Variants in SOD2 observed in about 807,000 individuals in gnomAD.
SOD2 encodes superoxide dismutase 2.
A neutral mutation model predicts 27.0 loss-of-function variants in SOD2; 11 were observed. The ratio of observed to expected loss-of-function variants is 0.41; its 90% CI spans 0.26 to 0.67. The LOEUF is 0.67. Among genes scored for constraint, SOD2 ranks in the 30% least tolerant of loss-of-function variants. The probability of loss-of-function intolerance (pLI) is 0.34; values close to 1 mark genes in which losing one functional copy is unlikely to be tolerated. For missense variants in SOD2, 250 were observed against 274.5 expected, an observed-to-expected ratio of 0.91 and a Z score of 0.63; for synonymous variants, 105 against 103.0, an observed-to-expected ratio of 1.02 and a Z score of -0.12.
chr6:159,687,464 G>A (rs1385863278), intron 3 of SOD2, among the ~76,000 whole-genome samples: 5 of 147,644 alleles, frequency 3.4e-5, no homozygotes, highest in Non-Finnish European at 7.5e-5. Context: ...CAGCCTGGGC[G>A]ACTGTAAGAC....
chr6:159,727,551 G>T, upstream of SOD2: 1 of 989,276 alleles, frequency 1.0e-6, no homozygotes, highest in South Asian at 4.5e-5. Context: ...AAATAAAGGG[G>T]AGCGCAGGGG....
upstream of SOD2, among the ~76,000 whole-genome samples, chr6:159,732,231 A>G (rs1391517511): frequency 6.6e-6 from 1 of 152,216 alleles, no homozygotes; most frequent in Non-Finnish European, 1.5e-5. Flanking sequence ...GACCAACTAT[A>G]ATAACTTTTA....
At chr6:159,749,057 A>G, upstream of SOD2, 1 of 990,678 alleles carries the variant, frequency 1.0e-6, no homozygotes, top group Non-Finnish European at 1.2e-6. Flanking sequence ...GGGGCTCTAT[A>G]TTACTTGCTT....
intron 1 of SOD2, among the ~76,000 whole-genome samples, chr6:159,756,689 A>G (rs1198457307): frequency 1.4e-5 from 2 of 147,452 alleles, no homozygotes; most frequent in Non-Finnish European, 3.0e-5. Context: ...GCAGCCTCAA[A>G]GTCCTCGACT....
rs1418114715 is a variant in SOD2, at chr6:159,672,471, A to AT, written c.*10021_*10022insA. On this transcript the variant is annotated 3_prime_UTR_variant, in exon 5 of 5. Coordinates refer to ENST00000538183, the MANE Select transcript of SOD2 (RefSeq NM_000636.4). ...TTGAAGAAAAGAATTTTCAACCCAG[A>AT]ATTTCATATCCAGCCAAACTAAGCT... is the stretch of plus-strand genomic sequence containing the variant. 6.6e-6 allele frequency: 1 copy of AT among 152,216 alleles called. No individual in the cohort carries two copies. The highest frequency in any genetic ancestry group is 2.4e-5 in the African/African-American group (1 of 41,454). 9.4% of individuals were successfully genotyped at this position (152,216 alleles called of 1,614,324 possible). A position where few individuals can be genotyped will look rare whatever the true frequency, so the allele number is the denominator to read the frequency against.
chr6:159,703,449 C>T (rs7753581), intron 1 of SOD2, among the ~76,000 whole-genome samples: 40,524 of 150,924 alleles, frequency 0.27, 5,475 homozygotes, highest in East Asian at 0.41. Context: ...TCACTTAGTA[C>T]AATACTTCTA....
At chr6:159,702,477 A>G (rs576332340) in intron 1 of SOD2, among the ~76,000 whole-genome samples, 12 of 151,150 alleles carry the variant, frequency 7.9e-5, no homozygotes, top group Non-Finnish European at 1.6e-4. Flanking sequence ...TTGTATTTTA[A>G]GTAGATGGGG....
At chr6:159,705,179 A>G (rs1340230242) in intron 1 of SOD2, among the ~76,000 whole-genome samples, 3 of 152,244 alleles carry the variant, frequency 2.0e-5, no homozygotes, top group Non-Finnish European at 4.4e-5. Flanking sequence ...GAAAAAACAG[A>G]GCAGAAAAGC....
chr6:159,713,857 GA>G, intron 1 of SOD2: 4 of 1,081,342 alleles, frequency 3.7e-6, no homozygotes, highest in Non-Finnish European at 5.6e-6. Context: ...CGGTGTAGAT[GA>G]AACAAATACC....
At chr6:159,698,567 G>A (rs1338646255) in intron 1 of SOD2, among the ~76,000 whole-genome samples, 74 of 61,072 alleles carry the variant, frequency 1.2e-3, no homozygotes, top group African/African-American at 5.1e-3. Flanking sequence ...GTGAGACCTT[G>A]TCTCAAAAAA....
chr6:159,759,618 CGAG>C (rs1780082421), intron 1 of SOD2, among the ~76,000 whole-genome samples: 1 of 149,394 alleles, frequency 6.7e-6, no homozygotes, highest in Admixed American at 6.7e-5. Context: ...TGTGGTGAGC[CGAG>C]ATAGCGCCAC....
intron 1 of SOD2, among the ~76,000 whole-genome samples, chr6:159,702,532 C>A (rs1253986351): frequency 2.0e-5 from 3 of 151,214 alleles, no homozygotes; most frequent in Non-Finnish European, 4.4e-5. Flanking sequence ...CAACCTCAGA[C>A]AATCTGCCCA....
intron 4 of SOD2, 55 bp from the exon 5 acceptor site, chr6:159,682,693 C>T (rs1780015556): frequency 1.3e-6 from 2 of 1,511,746 alleles, no homozygotes; most frequent in East Asian, 4.8e-5. Flanking sequence ...TAAAACATTG[C>T]ATCTTCTCAA....
chr6:159,730,700 T>C (rs1377938103), upstream of SOD2, among the ~76,000 whole-genome samples: 2 of 152,264 alleles, frequency 1.3e-5, no homozygotes, highest in African/African-American at 4.8e-5. Flanking sequence ...ACTGAGGCTC[T>C]GAATTTCCCA....
chr6:159,748,065 C>T, upstream of SOD2: 6 of 1,207,634 alleles, frequency 5.0e-6, no homozygotes, highest in Non-Finnish European at 6.8e-6. The surrounding 1 kb of genome is among the most constrained non-coding windows in gnomAD (Gnocchi z 5.6). Flanking sequence ...TAGAGAATTT[C>T]AGGATCAAAG....
intron 1 of SOD2, among the ~76,000 whole-genome samples, chr6:159,752,029 C>CTCCA (rs1311920491): frequency 6.6e-6 from 1 of 150,640 alleles, no homozygotes; most frequent in African/African-American, 2.5e-5. Flanking sequence ...CGCCACTGCA[C>CTCCA]TCCAGCCTGG....
At chr6:159,759,716 GTC>G (rs1418021593) in intron 1 of SOD2, among the ~76,000 whole-genome samples, 2 of 151,698 alleles carry the variant, frequency 1.3e-5, no homozygotes, top group South Asian at 2.1e-4. Context: ...ATTATTCTTA[GTC>G]TCTGTCTGTC....
At chr6:159,702,849 C>CGA (rs1562432826) in intron 1 of SOD2, among the ~76,000 whole-genome samples, 2 of 42,438 alleles carry the variant, frequency 4.7e-5, no homozygotes, top group African/African-American at 1.9e-4. Flanking sequence ...GACCCTATCT[C>CGA]GAAAAAAAAA....
chr6:159,708,921 T>C (rs1377420103), intron 1 of SOD2, among the ~76,000 whole-genome samples: 1 of 152,120 alleles, frequency 6.6e-6, no homozygotes, highest in Non-Finnish European at 1.5e-5. Context: ...AACAGAGATA[T>C]AGACCAATGG....
Sources: gnomAD v4.1 joint callset for allele counts (sites outside exome capture counted in the v4.1 genomes callset) on GRCh38, gnomAD v4.1.1 for gene constraint, Gnocchi (gnomAD v3.1) non-coding constraint, MANE v1.5 for transcripts, NCBI Gene and HGNC (gene_info 2026-07-23, HGNC 2026-07-21) for gene names.